The following THSD7A variants were observed in gnomAD, a reference collection of about 807,000 sequenced individuals.
THSD7A encodes thrombospondin type 1 domain containing 7A.
THSD7A carries 96 observed loss-of-function variants against 231.3 expected under a neutral mutation model. The observed-to-expected ratio is 0.41, with a 90% CI of 0.35 to 0.49. The LOEUF is 0.49. Among genes scored for constraint, THSD7A ranks in the 20% least tolerant of loss-of-function variants. The pLI, the probability that THSD7A is intolerant of heterozygous loss-of-function variation, is 0.05. For missense variants in THSD7A, 2,290 were observed against 2,070.2 expected, an observed-to-expected ratio of 1.11 and a Z score of -2.06; for synonymous variants, 940 against 743.3, an observed-to-expected ratio of 1.26 and a Z score of -4.30.
At chr7:11,676,569 C>T (rs148484343) in intron 1 of THSD7A, among the ~76,000 whole-genome samples, 1 of 152,032 alleles carries the variant, frequency 6.6e-6, no homozygotes, top group Non-Finnish European at 1.5e-5. Flanking sequence ...TAGAGAAGAA[C>T]ATAAATGACC....
At chr7:11,437,655 T>G (rs1784677088) in intron 13 of THSD7A, among the ~76,000 whole-genome samples, 1 of 152,088 alleles carries the variant, frequency 6.6e-6, no homozygotes, top group African/African-American at 2.4e-5. Context: ...GGACTCCATT[T>G]CAGCTTGTTT....
At chr7:11,440,817 A>T (rs1784780856) in intron 13 of THSD7A, among the ~76,000 whole-genome samples, 1 of 152,084 alleles carries the variant, frequency 6.6e-6, no homozygotes, top group Non-Finnish European at 1.5e-5. Context: ...AATGACAACA[A>T]AGAATTTAGA....
intron 7 of THSD7A, among the ~76,000 whole-genome samples, chr7:11,481,291 T>C (rs1562644776): frequency 6.6e-6 from 1 of 152,170 alleles, no homozygotes; most frequent in East Asian, 1.9e-4. Flanking sequence ...CCTCGGAGCC[T>C]ATGTTCAAGA....
intron 1 of THSD7A, among the ~76,000 whole-genome samples, chr7:11,733,947 T>C (rs1781820286): frequency 6.6e-6 from 1 of 151,882 alleles, no homozygotes; most frequent in Non-Finnish European, 1.5e-5. Context: ...TCTTTTGTTA[T>C]ATTTCCCTTC....
Position 11,444,588 on chromosome 7 carries a change from A to C in THSD7A, c.3064+1473T>G, listed in dbSNP as rs1784902766. ...GGGCACAGGGAGGGGAACATCACAC[A>C]CCGGGGTCTGTCAGGGGATGGGGGG... On this transcript the variant is annotated intron_variant, in intron 13 of 27. Coordinates refer to ENST00000423059, the MANE Select transcript of THSD7A (RefSeq NM_015204.3). The surrounding 1 kb of genome is among the most constrained non-coding windows in gnomAD (Gnocchi z 4.2). Among the ~76,000 whole-genome samples, 1 of 151,700 alleles carries C rather than the reference A, an allele frequency of 6.6e-6. No individual in the cohort carries two copies. The highest frequency in any genetic ancestry group is 6.6e-5 in the Admixed American group (1 of 15,174).
At chr7:11,493,867 G>A (rs1296070957) in intron 6 of THSD7A, among the ~76,000 whole-genome samples, 2 of 151,928 alleles carry the variant, frequency 1.3e-5, no homozygotes, top group Non-Finnish European at 2.9e-5. Flanking sequence ...ACCTTTGGGG[G>A]TAATATCATC....
At chr7:11,431,230 C>T (rs767804186) in intron 13 of THSD7A, among the ~76,000 whole-genome samples, 11 of 151,998 alleles carry the variant, frequency 7.2e-5, no homozygotes, top group Non-Finnish European at 1.5e-4. Flanking sequence ...ATCTTTTTTC[C>T]TTGGTTGTTA....
At chr7:11,777,497 C>T (rs1783451769) in intron 1 of THSD7A, among the ~76,000 whole-genome samples, 1 of 151,674 alleles carries the variant, frequency 6.6e-6, no homozygotes, top group African/African-American at 2.4e-5. Context: ...TATAGACCAG[C>T]ATCTACAACA....
At chr7:11,708,713 C>G (rs1780850882) in intron 1 of THSD7A, among the ~76,000 whole-genome samples, 1 of 150,794 alleles carries the variant, frequency 6.6e-6, no homozygotes, top group Non-Finnish European at 1.5e-5. Context: ...TTGGACCATT[C>G]AGCTGATAAT....
At chr7:11,464,404 T>C (rs1161157919) in intron 9 of THSD7A, among the ~76,000 whole-genome samples, 1 of 152,126 alleles carries the variant, frequency 6.6e-6, no homozygotes, top group Admixed American at 6.6e-5. Context: ...TCAGCATTAG[T>C]GGCACCTCAT....
intron 13 of THSD7A, among the ~76,000 whole-genome samples, chr7:11,434,906 G>A (rs7796362): frequency 0.11 from 17,102 of 151,822 alleles, 1,522 homozygotes; most frequent in African/African-American, 0.25. Context: ...TGTTCTACCC[G>A]TTGTATATTT....
intron 1 of THSD7A, among the ~76,000 whole-genome samples, chr7:11,683,053 G>A (rs1026942935): frequency 2.7e-5 from 4 of 150,548 alleles, no homozygotes; most frequent in African/African-American, 7.4e-5. Context: ...CCCAGGGGAC[G>A]GAATTTGCAG....
chr7:11,508,072 A>C (rs1162480071), intron 6 of THSD7A, among the ~76,000 whole-genome samples: 2 of 152,160 alleles, frequency 1.3e-5, no homozygotes, highest in Non-Finnish European at 2.9e-5. Context: ...TTATAAAACC[A>C]TCAGATCTTG....
intron 1 of THSD7A, among the ~76,000 whole-genome samples, chr7:11,676,845 G>A (rs1783658452): frequency 6.6e-6 from 1 of 152,138 alleles, no homozygotes; most frequent in African/African-American, 2.4e-5. Flanking sequence ...AAAACACACT[G>A]CAGTGTATTA....
At chr7:11,532,352 G>C (rs1788743052) in intron 6 of THSD7A, among the ~76,000 whole-genome samples, 1 of 152,064 alleles carries the variant, frequency 6.6e-6, no homozygotes, top group Non-Finnish European at 1.5e-5. Context: ...ATACGTAGCT[G>C]GTATAGAATT....
chr7:11,442,251 C>G (rs2128293405), intron 13 of THSD7A, among the ~76,000 whole-genome samples: 1 of 151,940 alleles, frequency 6.6e-6, no homozygotes. Flanking sequence ...TTATTACACA[C>G]AAGTTCAAAA....
At chr7:11,388,345 G>C (rs10255748) in intron 23 of THSD7A, among the ~76,000 whole-genome samples, 50,666 of 151,838 alleles carry the variant, frequency 0.33, 8,697 homozygotes, top group Admixed American at 0.39. Context: ...TGGTTGGTAG[G>C]CTATTAATTA....
At chr7:11,518,007 C>A (rs537852309) in intron 6 of THSD7A, among the ~76,000 whole-genome samples, 1 of 152,292 alleles carries the variant, frequency 6.6e-6, no homozygotes, top group South Asian at 2.1e-4. Flanking sequence ...GAACTGCCTG[C>A]AGAGACAGAA....
chr7:11,742,374 C>T (rs548864364), intron 1 of THSD7A, among the ~76,000 whole-genome samples: 1 of 151,828 alleles, frequency 6.6e-6, no homozygotes, highest in South Asian at 2.1e-4. Flanking sequence ...AAAAATACGC[C>T]CTTTGCCTAT....
Sources: gnomAD v4.1 joint callset for allele counts (sites outside exome capture counted in the v4.1 genomes callset) on GRCh38, gnomAD v4.1.1 for gene constraint, Gnocchi (gnomAD v3.1) non-coding constraint, MANE v1.5 for transcripts, NCBI Gene and HGNC (gene_info 2026-07-23, HGNC 2026-07-21) for gene names.